TRIM33: variants seen among roughly 807,000 people sequenced by gnomAD.
TRIM33 encodes E3 ubiquitin-protein ligase TRIM33.
TRIM33 carries 20 observed loss-of-function variants against 125.4 expected under a neutral mutation model. The ratio of observed to expected loss-of-function variants is 0.16; its 90% CI spans 0.11 to 0.23. The LOEUF (loss-of-function observed/expected upper bound fraction) is 0.23. Ranked by LOEUF, TRIM33 falls within the 10% of genes least tolerant of loss-of-function variation. The pLI is 1.00. For synonymous variants in TRIM33, 564 were observed against 513.9 expected (o/e 1.10, Z -1.32); for missense variants, 920 against 1,411.4 (o/e 0.65, Z 5.58).
At chr1:114,403,600 C>T (rs1276154523) in intron 15 of TRIM33, among the ~76,000 whole-genome samples, 1 of 151,960 alleles carries the variant, frequency 6.6e-6, no homozygotes, top group South Asian at 2.1e-4. Context: ...CACAGTGGCA[C>T]GATCCTGGCT....
In TRIM33 at chr1:114,408,667, A is replaced by C. The variant is rs778877925; in HGVS notation, c.2258+10T>G. The C allele has an allele frequency of 6.4e-7, 1 of 1,569,204 alleles. No homozygotes were observed. The highest frequency in any genetic ancestry group is 1.4e-5 in the African/African-American group (1 of 73,286). On this transcript the variant is annotated intron_variant, in intron 13 of 19. Coordinates refer to ENST00000358465, the MANE Select transcript of TRIM33 (RefSeq NM_015906.4). ...ACAAAAAGGAAAAAAATAATTATCA[A>C]TATACTCACCTGCCTCGACTGCCAG... is the stretch of plus-strand genomic sequence containing the variant.
chr1:114,510,756 C>T lies in TRIM33; in HGVS notation c.321G>A (p.Pro107=). The change falls in exon 1 of 20, where the codon CCG becomes CCA. Residue 107 remains proline, a synonymous_variant. Coordinates refer to ENST00000358465, the MANE Select transcript of TRIM33 (RefSeq NM_015906.4). ...PAPAPASAPA[P]GPSAGPPPGP... is the part of the protein sequence containing the mutation. ...CAGGAGGCGGCCCTGCCGAGGGACC[C>T]GGAGCGGGAGCCGAGGCTGGAGCTG... 6.6e-7 allele frequency: 1 copy of T among 1,523,396 alleles called. No homozygotes were observed. Among genetic ancestry groups the T allele is most frequent in the Non-Finnish European group, 8.8e-7 (1 of 1,140,662 alleles). The allele number at this position is 1,523,396 out of a possible 1,614,324, so 94.4% of individuals were successfully genotyped here.
intron 1 of TRIM33, among the ~76,000 whole-genome samples, chr1:114,496,816 A>G (rs895066056): frequency 6.6e-6 from 1 of 152,190 alleles, no homozygotes; most frequent in African/African-American, 2.4e-5. Flanking sequence ...TATTTTTAAG[A>G]AATTCTGCTG....
intron 1 of TRIM33, among the ~76,000 whole-genome samples, chr1:114,464,683 T>C (rs1389157630): frequency 3.9e-5 from 6 of 152,198 alleles, no homozygotes. Flanking sequence ...ACTATGAATA[T>C]TAATTTACAT....
intron 4 of TRIM33, among the ~76,000 whole-genome samples, chr1:114,442,687 C>CAAAAAAAAAAAAA (rs34847018): frequency 1.4e-5 from 1 of 73,864 alleles, no homozygotes; most frequent in Admixed American, 1.7e-4. Flanking sequence ...GACTCTGTCT[C>CAAAAAAAAAAAAA]AAAAAAAAAA....
chr1:114,497,579 G>A (rs553636038), intron 1 of TRIM33, among the ~76,000 whole-genome samples: 5 of 152,176 alleles, frequency 3.3e-5, no homozygotes, highest in Admixed American at 6.5e-5. Flanking sequence ...GGGATTACAG[G>A]CGTAAGCCAC....
chr1:114,430,334 T>C (rs1207161859), intron 6 of TRIM33, among the ~76,000 whole-genome samples: 1 of 152,114 alleles, frequency 6.6e-6, no homozygotes, highest in East Asian at 1.9e-4. Context: ...AGCCTTGACC[T>C]CCCGGGCTCA....
At chr1:114,434,518 A>C (rs193290827) in intron 4 of TRIM33, among the ~76,000 whole-genome samples, 4 of 152,216 alleles carry the variant, frequency 2.6e-5, no homozygotes, top group Non-Finnish European at 5.9e-5. Context: ...ATATGTTAAA[A>C]TTTTCTAATC....
At chr1:114,464,568 A>C (rs564313320) in intron 1 of TRIM33, among the ~76,000 whole-genome samples, 180 bp from the exon 2 acceptor site, 40 of 152,334 alleles carry the variant, frequency 2.6e-4, no homozygotes, top group Non-Finnish European at 5.4e-4. Flanking sequence ...ATTTAGGAAA[A>C]GAAAAAACAA....
At chr1:114,473,474 A>G (rs1387567109) in intron 1 of TRIM33, among the ~76,000 whole-genome samples, 3 of 151,996 alleles carry the variant, frequency 2.0e-5, no homozygotes, top group African/African-American at 7.2e-5. Context: ...GGCTACTTTA[A>G]AGAGAGTGAC....
rs531004896 is a variant in TRIM33, at chr1:114,467,765, C to T, written c.527-3377G>A. ...AATTTACTTTTAAAATTACATAATG[C>T]GCTTAAAGTCAGCTGACTCTTAGCA... On this transcript the variant is annotated intron_variant, in intron 1 of 19. Coordinates refer to ENST00000358465, the MANE Select transcript of TRIM33 (RefSeq NM_015906.4). Among the ~76,000 whole-genome samples the T allele has an allele frequency of 1.9e-4, 29 of 152,282 alleles. No individual in the cohort carries two copies. The South Asian group carries it at 2.5e-3, about 13-fold the overall frequency.
chr1:114,507,724 A>G (rs1447194095), intron 1 of TRIM33, among the ~76,000 whole-genome samples: 1 of 152,216 alleles, frequency 6.6e-6, no homozygotes, highest in African/African-American at 2.4e-5. Context: ...CTAACACCCA[A>G]TCTAGTGCTC....
rs1322181934 is a variant in TRIM33, at chr1:114,510,885, G to A, written c.192C>T (p.Asp64=). ...CCGAGGAGGCCGCGGCCACCCCCCC[G>A]TCGTCGGGCCCGGCCGCGCCGCCCT... The part of the protein sequence containing the change: ...GAEGGAAGPD[D]GGVAAASSGS... The change falls in exon 1 of 20, where the codon GAC becomes GAT. Residue 64 remains aspartate, a synonymous_variant. Coordinates refer to ENST00000358465, the MANE Select transcript of TRIM33 (RefSeq NM_015906.4). 7 of 1,448,096 alleles carry A rather than the reference G, an allele frequency of 4.8e-6. No individual in the cohort carries two copies. Among genetic ancestry groups the A allele is most frequent in the Non-Finnish European group, 4.5e-6 (5 of 1,107,630 alleles). The allele number at this position is 1,448,096 out of a possible 1,614,324, so 89.7% of individuals were successfully genotyped here.
chr1:114,413,353 G>A (rs1652706415), intron 11 of TRIM33, among the ~76,000 whole-genome samples: 1 of 152,042 alleles, frequency 6.6e-6, no homozygotes, highest in Admixed American at 6.6e-5. Flanking sequence ...GAGGTTGGGA[G>A]TTGGAGACCA....
intron 5 of TRIM33, among the ~76,000 whole-genome samples, chr1:114,432,196 T>C (rs1224807137): frequency 2.0e-5 from 3 of 152,234 alleles, no homozygotes; most frequent in Non-Finnish European, 4.4e-5. Flanking sequence ...CCTACTTTTG[T>C]ATACAGATTC....
chr1:114,419,313 C>T (rs747090921), intron 11 of TRIM33, among the ~76,000 whole-genome samples: 1 of 151,918 alleles, frequency 6.6e-6, no homozygotes, highest in East Asian at 1.9e-4. Flanking sequence ...CCACCTCCTG[C>T]GTGGCGTGAG....
intron 15 of TRIM33, among the ~76,000 whole-genome samples, chr1:114,403,579 A>T (rs1652042369): frequency 6.6e-6 from 1 of 151,930 alleles, no homozygotes; most frequent in South Asian, 2.1e-4. Context: ...TGGGTCCTCC[A>T]GGCTGGAGTA....
In TRIM33 at chr1:114,407,017, G is replaced by C. The variant is rs978602778; in HGVS notation, c.2342C>G (p.Thr781Ser). ...TGAAAAGCTACATATTTCATCTTCA[G>C]TCCCAGGTTCTTGCTTGACCTTCAC... ...DQVKVKQEPG[T>S]EDEICSFSGG... The change falls in exon 14 of 20, where the codon ACT becomes AGT. Residue 781 changes from threonine (T) to serine (S), a missense_variant. Thr to Ser is a moderately conservative substitution (Grantham distance 58). Coordinates refer to ENST00000358465, the MANE Select transcript of TRIM33 (RefSeq NM_015906.4). 2.8e-5 allele frequency: 45 copies of C among 1,613,816 alleles called. No individual in the cohort carries two copies. The highest frequency in any genetic ancestry group is 3.8e-5 in the Non-Finnish European group (45 of 1,179,912).
chr1:114,421,015 G>A (rs1365192593), intron 11 of TRIM33, among the ~76,000 whole-genome samples: 1 of 152,008 alleles, frequency 6.6e-6, no homozygotes, highest in Non-Finnish European at 1.5e-5. Context: ...TAATGTGGTA[G>A]ACATATACAA....
Sources: allele counts gnomAD v4.1 joint callset (sites outside exome capture counted in the v4.1 genomes callset), GRCh38; gene constraint gnomAD v4.1.1; transcripts MANE v1.5; gene names NCBI Gene and HGNC (gene_info 2026-07-23, HGNC 2026-07-21).